The following COG8 variants were observed in gnomAD, a reference collection of about 807,000 sequenced individuals.
COG8 encodes the protein conserved oligomeric Golgi complex subunit 8.
A neutral mutation model predicts 46.5 loss-of-function variants in COG8; 45 were observed. The observed-to-expected ratio is 0.97, with a 90% CI of 0.76 to 1.24. The LOEUF is 1.24. COG8 is among the 50% of genes most tolerant of loss of function. The probability of loss-of-function intolerance (pLI) is 0.00; values close to 1 mark genes in which losing one functional copy is unlikely to be tolerated. For synonymous variants in COG8, 407 were observed against 347.8 expected (o/e 1.17, Z -1.90); for missense variants, 793 against 820.8 (o/e 0.97, Z 0.41).
chr16:69,330,815 C>G lies in COG8; in HGVS notation c.*24G>C. ...CCCGCGCCGGGAACCTCACGCACCG[C>G]GTTCTGGAGGCAGGGGACGCCGGCT... is the stretch of plus-strand genomic sequence containing the variant. On this transcript the variant is annotated splice_region_variant and 3_prime_UTR_variant, in exon 5 of 6. Transcript: ENST00000306875. 1 of 1,528,616 alleles carries G rather than the reference C, an allele frequency of 6.5e-7. No homozygotes were observed. The highest frequency in any genetic ancestry group is 8.8e-7 in the Non-Finnish European group (1 of 1,142,724). The allele number at this position is 1,528,616 out of a possible 1,614,324, so 94.7% of individuals were successfully genotyped here.
rs1460464479 is a variant in COG8, at chr16:69,339,413, C to A, written c.140G>T (p.Gly47Val). The A allele has an allele frequency of 1.9e-6, 3 of 1,583,546 alleles. No individual in the cohort carries two copies. The highest frequency in any genetic ancestry group is 2.6e-6 in the Non-Finnish European group (3 of 1,169,912). Residue 47 changes from glycine to valine, a missense_variant, in exon 1 of 6, where the codon GGC (glycine) becomes GTC (valine). Gly to Val is a moderately radical substitution (Grantham distance 109). Transcript: ENST00000306875. ...EAQWRERPDV[G>V]RYLRELSGSG... ...GCCGCTCAACTCCCGGAGGTAGCGG[C>A]CCACATCGGGCCGCTCGCGCCACTG...
At position 69,331,176 on chromosome 16, in the gene COG8, G is replaced by A. The variant is rs565175745; in HGVS notation, c.1583-81C>T. The A allele has an allele frequency of 7.3e-6, 11 of 1,498,588 alleles. No homozygotes were observed. The African/African-American group carries it at 1.4e-4, about 19-fold the overall frequency. 92.8% of individuals were successfully genotyped at this position (1,498,588 alleles called of 1,614,324 possible). A position where few individuals can be genotyped will look rare whatever the true frequency, so the allele number is the denominator to read the frequency against. On this transcript the variant is annotated intron_variant, in intron 4 of 5. Transcript: ENST00000306875. ...TAGAAATTTAAGGGAGGCCGGGCGC[G>A]GTGGCTCACGCCTGTAATCCCAGCA...
intron 3 of COG8, among the ~76,000 whole-genome samples, chr16:69,333,392 C>A (rs1159470990): frequency 6.6e-6 from 1 of 151,940 alleles, no homozygotes; most frequent in Non-Finnish European, 1.5e-5. Context: ...GGTCTGGAGC[C>A]CCTGGCTTCA....
chr16:69,330,400 C>T (rs769869670), intron 5 of COG8: 5 of 1,479,328 alleles, frequency 3.4e-6, no homozygotes, highest in Non-Finnish European at 4.5e-6. Flanking sequence ...CGGGAGGACC[C>T]AGCACCAGAC....
rs1404891630 is a variant in COG8, at chr16:69,330,522, C to T, written c.*26+291G>A. 8.1e-6 allele frequency: 12 copies of T among 1,474,586 alleles called. 1 individual carries two copies. In the Admixed American group the frequency reaches 2.9e-4, roughly 36 times the overall value. The allele number at this position is 1,474,586 out of a possible 1,614,324, so 91.3% of individuals were successfully genotyped here. ...ACGGCTGCCGCCCCGCCCCACGGCA[C>T]GGCCGCCCACAGTGGCCAAAGACTC... On this transcript the variant is annotated intron_variant, in intron 5 of 5. Transcript: ENST00000306875.
rs777969581 is a variant in COG8, at chr16:69,336,718, A to G, written c.378-6T>C. The G allele has an allele frequency of 2.4e-5, 39 of 1,613,368 alleles. No homozygotes were observed. The highest frequency in any genetic ancestry group is 3.3e-5 in the Non-Finnish European group (39 of 1,179,422). On this transcript the variant is annotated splice_polypyrimidine_tract_variant and splice_region_variant and intron_variant, in intron 1 of 5. Transcript: ENST00000306875. Reference sequence around the variant, plus strand: ...CGGCTTCCTTCACAAAGTTCCTAGTAATAATCAGAAGAATGTTGATCCTTC... The same window carrying G: ...CGGCTTCCTTCACAAAGTTCCTAGTGATAATCAGAAGAATGTTGATCCTTC...
In COG8 at chr16:69,339,381, G is replaced by T; in HGVS notation, c.172C>A (p.Leu58Met). 1 of 1,582,836 alleles carries T rather than the reference G, an allele frequency of 6.3e-7. No individual in the cohort carries two copies. Among genetic ancestry groups the T allele is most frequent in the East Asian group, 2.3e-5 (1 of 43,524 alleles). Reference protein sequence around the residue: ...RYLRELSGSGLERLRREPERL... With the variant: ...RYLRELSGSGMERLRREPERL... The stretch of plus-strand genomic sequence containing the variant: ...TCGGGCTCGCGCCGCAGCCGCTCCA[G>T]CCCCGAGCCGCTCAACTCCCGGAGG... Residue 58 changes from leucine to methionine, a missense_variant, in exon 1 of 6, where the codon CTG (leucine) becomes ATG (methionine). By Grantham distance (15) the Leu-to-Met change is conservative. Coordinates refer to ENST00000306875, the MANE Select transcript of COG8 (RefSeq NM_032382.5).
chr16:69,331,282 A>G (rs982428881), intron 4 of COG8, among the ~76,000 whole-genome samples, 187 bp from the exon 5 acceptor site: 1 of 151,728 alleles, frequency 6.6e-6, no homozygotes, highest in Non-Finnish European at 1.5e-5. Context: ...GAGAAATCCC[A>G]TCTCTCTTAA....
intron 5 of COG8, chr16:69,329,850 C>A: frequency 9.8e-7 from 1 of 1,021,132 alleles, no homozygotes; most frequent in Non-Finnish European, 1.3e-6. Flanking sequence ...GAGCTTCTAT[C>A]CGTCCTGAGG....
At chr16:69,330,608 G>T (rs1408199348) in intron 5 of COG8, 2 of 1,411,376 alleles carry the variant, frequency 1.4e-6, no homozygotes, top group South Asian at 1.6e-5. Flanking sequence ...CGCCCCTTCC[G>T]GCCGCAGCGC....
At chr16:69,333,597 T>C (rs1224636393) in intron 3 of COG8, among the ~76,000 whole-genome samples, 3 of 152,196 alleles carry the variant, frequency 2.0e-5, no homozygotes, top group Non-Finnish European at 4.4e-5. Flanking sequence ...TGGAAAACTG[T>C]AAGAAAACAG....
At chr16:69,330,417 G>A (rs1287913688) in intron 5 of COG8, 1 of 1,477,454 alleles carries the variant, frequency 6.8e-7, no homozygotes. Context: ...AGACGCCTCA[G>A]GTGGCGCCAA....
Position 69,328,214 on chromosome 16 carries a change from G to A in COG8, c.*992C>T, listed in dbSNP as rs905658865. 2 of 151,996 alleles carry A rather than the reference G, an allele frequency of 1.3e-5. No individual in the cohort carries two copies. The highest frequency in any genetic ancestry group is 2.9e-5 in the Non-Finnish European group (2 of 68,048). The allele number at this position is 151,996 out of a possible 1,614,324, so 9.4% of individuals were successfully genotyped here. A position where few individuals can be genotyped will look rare whatever the true frequency, so the allele number is the denominator to read the frequency against. On this transcript the variant is annotated 3_prime_UTR_variant, in exon 6 of 6. Coordinates refer to ENST00000306875, the MANE Select transcript of COG8 (RefSeq NM_032382.5). ...ACCCGCCCCGCCCTCCCAAAGTGCT[G>A]GGATTACAGGCGTGAACCACTGCAC...
chr16:69,330,259 C>T, intron 5 of COG8: 12 of 1,438,868 alleles, frequency 8.3e-6, no homozygotes, highest in African/African-American at 1.5e-5. Context: ...AGCGCCGCCG[C>T]CGCATCACCT....
intron 4 of COG8, among the ~76,000 whole-genome samples, chr16:69,331,766 G>A (rs1197202509): frequency 6.6e-6 from 1 of 152,072 alleles, no homozygotes; most frequent in Non-Finnish European, 1.5e-5. Context: ...CTCCCAAAGT[G>A]CTGGGATTAC....
At position 69,334,539 on chromosome 16, in the gene COG8, C is replaced by G; in HGVS notation, c.1395G>C (p.Leu465Phe). The change falls in exon 3 of 6, where the codon TTG becomes TTC. Residue 465 changes from leucine to phenylalanine, a missense_variant. Physicochemically the swap from Leu to Phe is conservative, Grantham distance 22 (BLOSUM62 0). Transcript: ENST00000306875. ...TGCTCACCTTGGCAAGGGCATCTTC[C>G]AAGGCCCCAGTCACATCCTGCGCCA... ...VALAQDVTGA[L>F]EDALAKVTKI... 6.2e-7 allele frequency: 1 copy of G among 1,614,142 alleles called. No homozygotes were observed. The highest frequency in any genetic ancestry group is 8.5e-7 in the Non-Finnish European group (1 of 1,180,008).
chr16:69,335,342 C>G lies in COG8; in HGVS notation c.592G>C (p.Val198Leu), dbSNP rs924692355. 6.3e-7 allele frequency: 1 copy of G among 1,593,498 alleles called. No homozygotes were observed. Among genetic ancestry groups the G allele is most frequent in the Non-Finnish European group, 8.5e-7 (1 of 1,174,558 alleles). ...TGCATGGACTGGCGCACTTCGTTCA[C>G]GATGCCCTGACAATACACAGAGAGA... is the stretch of plus-strand genomic sequence containing the variant. ...YSSIPVIQGI[V>L]NEVRQSMQLM... is the part of the protein sequence containing the mutation. Residue 198 changes from valine to leucine, a missense_variant, in exon 3 of 6, where the codon GTG becomes CTG. Coordinates refer to ENST00000306875, the MANE Select transcript of COG8 (RefSeq NM_032382.5).
Position 69,334,550 on chromosome 16 carries a change from TCA to T in COG8, c.1382_1383del (p.Val461AspfsTer13), listed in dbSNP as rs759441973. 6.2e-7 allele frequency: 1 copy of T among 1,614,130 alleles called. No individual in the cohort carries two copies. The highest frequency in any genetic ancestry group is 1.7e-5 in the Admixed American group (1 of 60,020). ...GCAAGGGCATCTTCCAAGGCCCCAG[TCA>T]CATCCTGCGCCAGGGCCACAGGGCA... ...LCCPVALAQD[V>X]TGALEDALAK... On this transcript the variant is annotated frameshift_variant, in exon 3 of 6. Transcript: ENST00000306875. LOFTEE classifies it high-confidence loss of function.
rs754020687 is a variant in COG8 at position 69,329,095 on chromosome 16, T to C, written c.*111A>G. On this transcript the variant is annotated 3_prime_UTR_variant, in exon 6 of 6. Transcript: ENST00000306875. ...CATTTTGTCAATAAACAGGCAGCCC[T>C]GCAGGTGGTCCATCTCGTGCTGGAT... 7 of 1,612,078 alleles carry C rather than the reference T, an allele frequency of 4.3e-6. No homozygotes were observed. Among genetic ancestry groups the C allele is most frequent in the East Asian group, 2.2e-5 (1 of 44,814 alleles).
Sources: allele counts gnomAD v4.1 joint callset (sites outside exome capture counted in the v4.1 genomes callset), GRCh38; gene constraint gnomAD v4.1.1; transcripts MANE v1.5; gene names NCBI Gene and HGNC (gene_info 2026-07-23, HGNC 2026-07-21).